KIF26A: variants seen among roughly 807,000 people sequenced by gnomAD.
The protein encoded by KIF26A is kinesin family member 26A, also known as kinesin-like protein KIF26A.
Under a neutral mutation model 126.0 loss-of-function variants are expected in KIF26A, and 74 were observed. The observed-to-expected ratio is 0.59, with a 90% CI of 0.49 to 0.71. KIF26A has a LOEUF of 0.71. Ranked by LOEUF, KIF26A falls within the 30% of genes least tolerant of loss-of-function variation. The probability of loss-of-function intolerance (pLI) is 0.00; values close to 1 mark genes in which losing one functional copy is unlikely to be tolerated. For missense variants in KIF26A, 2,984 were observed against 2,763.3 expected (o/e 1.08, Z -1.79); for synonymous variants, 1,445 against 1,232.7 (o/e 1.17, Z -3.61).
At chr14:104,140,034 T>A (rs369531373) in intron 2 of KIF26A, among the ~76,000 whole-genome samples, 3 of 151,658 alleles carry the variant, frequency 2.0e-5, no homozygotes, top group African/African-American at 7.3e-5. Flanking sequence ...CGGGTGGGGG[T>A]CTCCAGAGGA....
In KIF26A at chr14:104,173,709, C is replaced by T. The variant is rs377013297; in HGVS notation, c.1871C>T (p.Ser624Phe). The change falls in exon 10 of 15, where the codon TCC becomes TTC. Residue 624 changes from serine to phenylalanine, a missense_variant. Transcript: ENST00000423312. The stretch of plus-strand genomic sequence containing the variant: ...TTTGCTTGCCTTGTGGTTCCAGTGT[C>T]CGGAGGCCGCAGCCGCCTGCACCTC... The part of the protein sequence containing the change: ...RMEKCGRGGM[S>F]GGRSRLHLID... 6.2e-7 allele frequency: 1 copy of T among 1,610,842 alleles called. No individual in the cohort carries two copies. Among genetic ancestry groups the T allele is most frequent in the Non-Finnish European group, 8.5e-7 (1 of 1,179,418 alleles).
Position 104,175,645 on chromosome 14 carries a change from C to G in KIF26A, c.2857C>G (p.Pro953Ala), listed in dbSNP as rs544123035. ...GGRRPLPSPA[P>A]PPPQLLEACR... ...CAGGAGGCCACTGCCCAGCCCGGCT[C>G]CCCCACCTCCTCAGTTGCTGGAAGC... is the stretch of plus-strand genomic sequence containing the variant. The change falls in exon 12 of 15, where the codon CCC becomes GCC. Residue 953 changes from proline (P) to alanine (A), a missense_variant. Pro to Ala is a conservative substitution (Grantham distance 27). Transcript: ENST00000423312. 83 of 1,610,144 alleles carry G rather than the reference C, an allele frequency of 5.2e-5. No homozygotes were observed. In the South Asian group the frequency reaches 9.0e-4, roughly 18 times the overall value.
At chr14:104,168,519 G>A (rs2141111262) in intron 5 of KIF26A, among the ~76,000 whole-genome samples, 1 of 152,274 alleles carries the variant, frequency 6.6e-6, no homozygotes, top group Non-Finnish European at 1.5e-5. Flanking sequence ...CATAGGCCAT[G>A]GCGGGTCCGG....
At chr14:104,167,087 G>A in intron 5 of KIF26A, 39 bp downstream of exon 5, 2 of 1,466,108 alleles carry the variant, frequency 1.4e-6, no homozygotes, top group Non-Finnish European at 1.8e-6. Flanking sequence ...GGGTGGGGAG[G>A]CCAGAGGCGT....
chr14:104,152,914 A>G lies in KIF26A; in HGVS notation c.735+453A>G, dbSNP rs1425555682. Among the ~76,000 whole-genome samples, 6 of 152,028 alleles carry G rather than the reference A, an allele frequency of 3.9e-5. No individual in the cohort carries two copies. Among genetic ancestry groups the G allele is most frequent in the East Asian group, 1.9e-4 (1 of 5,176 alleles). On this transcript the variant is annotated intron_variant, in intron 3 of 14. Coordinates refer to ENST00000423312, the MANE Select transcript of KIF26A (RefSeq NM_015656.2). This position sits in a 1 kb window ranked among gnomAD's most constrained non-coding sequence, Gnocchi z 5.9. Reference sequence around the variant, plus strand: ...GGACCGGCAGTTGCAATTGCTGGAGATGCGTTGCCTGCCCCTGTGGCACCC... The same window carrying G: ...GGACCGGCAGTTGCAATTGCTGGAGGTGCGTTGCCTGCCCCTGTGGCACCC...
Position 104,139,055 on chromosome 14 carries a change from GGCCCGGCCCGCGAGCC to G in KIF26A, c.59_74del (p.Pro20ArgfsTer183). The G allele has an allele frequency of 7.3e-7, 1 of 1,373,250 alleles. No individual in the cohort carries two copies. Among genetic ancestry groups the G allele is most frequent in the Non-Finnish European group, 9.3e-7 (1 of 1,071,388 alleles). 85.1% of individuals were successfully genotyped at this position (1,373,250 alleles called of 1,614,324 possible). A position where few individuals can be genotyped will look rare whatever the true frequency, so the allele number is the denominator to read the frequency against. On this transcript the variant is annotated frameshift_variant, in exon 2 of 15. Transcript: ENST00000423312. LOFTEE classifies it high-confidence loss of function. ...CCACACCCTGCAGGTGGCCGAGGGC[GGCCCGGCCCGCGAGCC>G]GCCGCCGCTGCTGGAGGTGTCCCCC...
rs1277849046 is a variant in KIF26A, at chr14:104,176,723, C to T, written c.3935C>T (p.Thr1312Met). 1.0e-5 allele frequency: 16 copies of T among 1,585,750 alleles called. No individual in the cohort carries two copies. Among genetic ancestry groups the T allele is most frequent in the South Asian group, 2.3e-5 (2 of 87,808 alleles). Residue 1312 changes from threonine to methionine, a missense_variant, in exon 12 of 15, where the codon ACG (threonine) becomes ATG (methionine). Coordinates refer to ENST00000423312, the MANE Select transcript of KIF26A (RefSeq NM_015656.2). ...RIPPLRRGAT[T>M]LGVTTPAVSW... ...CCACCGCTGCGGAGGGGTGCCACCA[C>T]GCTGGGTGTGACAACGCCAGCTGTG...
At position 104,139,274 on chromosome 14, in the gene KIF26A, G is replaced by T; in HGVS notation, c.274G>T (p.Gly92Trp). 1 of 1,519,270 alleles carries T rather than the reference G, an allele frequency of 6.6e-7. No homozygotes were observed. The highest frequency in any genetic ancestry group is 1.4e-5 in the African/African-American group (1 of 71,146). The allele number at this position is 1,519,270 out of a possible 1,614,324, so 94.1% of individuals were successfully genotyped here. Residue 92 changes from glycine to tryptophan, a missense_variant, in exon 2 of 15, where the codon GGG becomes TGG. Physicochemically the swap from Gly to Trp is radical, Grantham distance 184. Transcript: ENST00000423312. ...RQAWKLVSGP[G>W]TTLRDPCLSA... The stretch of plus-strand genomic sequence containing the variant: ...GGCGTGGAAGCTGGTCAGCGGGCCC[G>T]GGACCACCCTCCGGGTAAGTGACAC...
chr14:104,138,876 G>A lies in KIF26A; in HGVS notation c.42+112G>A, dbSNP rs2037608680. 14 of 1,257,574 alleles carry A rather than the reference G, an allele frequency of 1.1e-5. No individual in the cohort carries two copies. In the South Asian group the frequency reaches 3.6e-4, roughly 32 times the overall value. The allele number at this position is 1,257,574 out of a possible 1,614,324, so 77.9% of individuals were successfully genotyped here. On this transcript the variant is annotated intron_variant, in intron 1 of 14. Transcript: ENST00000423312. ...GGCCGGGCCTCCTGCTGAGGGTAGC[G>A]GACCCGCAGGCGGGACCTCCGGGGA...
At chr14:104,178,207 G>A (rs1010298718) in intron 12 of KIF26A, among the ~76,000 whole-genome samples, 1 of 152,126 alleles carries the variant, frequency 6.6e-6, no homozygotes, top group African/African-American at 2.4e-5. Context: ...CGCCAGGCTG[G>A]GGCACTGGAC....
intron 5 of KIF26A, among the ~76,000 whole-genome samples, chr14:104,170,532 T>C (rs533379874): frequency 4.6e-5 from 7 of 152,234 alleles, no homozygotes; most frequent in Admixed American, 1.3e-4. Flanking sequence ...GTGAAAAATA[T>C]TGGCTCTGAA....
intron 2 of KIF26A, among the ~76,000 whole-genome samples, chr14:104,145,136 C>T (rs1236805568): frequency 1.3e-5 from 2 of 152,236 alleles, no homozygotes; most frequent in African/African-American, 2.4e-5. Flanking sequence ...CACGGTGTGT[C>T]CTTGTCCTGC....
At position 104,179,359 on chromosome 14, in the gene KIF26A, C is replaced by G. The variant is rs1296826590; in HGVS notation, c.5440C>G (p.Leu1814Val). Residue 1814 changes from leucine (L) to valine (V), a missense_variant, in exon 14 of 15, where the codon CTG becomes GTG. Transcript: ENST00000423312. Reference protein sequence around the residue: ...ELAETQGRLMLEPGRWLEQFE... With the variant: ...ELAETQGRLMVEPGRWLEQFE... ...GGCCGAGACCCAGGGCCGGCTGATG[C>G]TGGAGCCTGGCCGCTGGCTGGAGCA... 6.5e-7 allele frequency: 1 copy of G among 1,535,008 alleles called. No individual in the cohort carries two copies.
intron 3 of KIF26A, among the ~76,000 whole-genome samples, chr14:104,156,510 C>G (rs1189930985): frequency 2.0e-5 from 3 of 152,180 alleles, no homozygotes; most frequent in East Asian, 1.9e-4. Context: ...TTCCATCCAG[C>G]CTAAGTCTTG....
chr14:104,178,602 G>A lies in KIF26A; in HGVS notation c.5163G>A (p.Leu1721=), dbSNP rs748872319. 2 of 1,545,926 alleles carry A rather than the reference G, an allele frequency of 1.3e-6. No individual in the cohort carries two copies. The highest frequency in any genetic ancestry group is 2.4e-5 in the South Asian group (2 of 83,712). ...IPAPLPDTTA[L]GRKPSLPGQW... is the part of the protein sequence containing the mutation. ...CCCCACTGCCCGACACCACTGCCCT[G>A]GGCCGTAAGCCCAGCCTCCCCGGGC... The change falls in exon 13 of 15, where the codon CTG becomes CTA. Residue 1721 remains leucine (L), a synonymous_variant. Transcript: ENST00000423312.
chr14:104,141,767 C>T (rs1229161157), intron 2 of KIF26A, among the ~76,000 whole-genome samples: 1 of 152,198 alleles, frequency 6.6e-6, no homozygotes, highest in South Asian at 2.1e-4. Flanking sequence ...TAGCAACACC[C>T]GATGCCTGCA....
intron 10 of KIF26A, 105 bp downstream of exon 10, chr14:104,173,973 G>C: frequency 1.4e-6 from 2 of 1,441,168 alleles, no homozygotes; most frequent in Non-Finnish European, 1.8e-6. Context: ...GCTCCTCAGG[G>C]CTTTGCTCCT....
At position 104,173,093 on chromosome 14, in the gene KIF26A, C is replaced by A. The variant is rs377093118; in HGVS notation, c.1537C>A (p.Arg513Ser). The change falls in exon 8 of 15, where the codon CGC becomes AGC. Residue 513 changes from arginine (R) to serine (S), a missense_variant. By Grantham distance (110) the Arg-to-Ser change is moderately radical (BLOSUM62 -1). Transcript: ENST00000423312. ...IEERRERTGT[R>S]FSVRVSAVEV... is the part of the protein sequence containing the mutation. ...GGAGCGCAGGGAGAGGACGGGCACC[C>A]GCTTCTCCGTCCGGGTCTCAGCCGT... 1 of 1,604,866 alleles carries A rather than the reference C, an allele frequency of 6.2e-7. No individual in the cohort carries two copies. Among genetic ancestry groups the A allele is most frequent in the Middle Eastern group, 1.7e-4 (1 of 6,012 alleles).
chr14:104,140,568 C>T lies in KIF26A; in HGVS notation c.288+1280C>T, dbSNP rs75103077. 5.9e-3 allele frequency among the ~76,000 whole-genome samples: 904 copies of T among 152,300 alleles called. 6 individuals are homozygous for T. Among genetic ancestry groups the T allele is most frequent in the Non-Finnish European group, 0.01 (709 of 68,018 alleles). ...CTTGGACTGCTGATGCTGCCTGGCCCTGGGGCCATGGTCCTGGCATGGACT... is the reference window on the plus strand; with the variant it reads ...CTTGGACTGCTGATGCTGCCTGGCCTTGGGGCCATGGTCCTGGCATGGACT... On this transcript the variant is annotated intron_variant, in intron 2 of 14. Coordinates refer to ENST00000423312, the MANE Select transcript of KIF26A (RefSeq NM_015656.2).
Sources: allele counts gnomAD v4.1 joint callset (sites outside exome capture counted in the v4.1 genomes callset), GRCh38; gene constraint gnomAD v4.1.1; non-coding constraint Gnocchi (gnomAD v3.1); transcripts MANE v1.5; gene names NCBI Gene and HGNC (gene_info 2026-07-23, HGNC 2026-07-21).